Variants in FDFT1 observed in about 807,000 individuals in gnomAD.
FDFT1 encodes the protein squalene synthase.
In FDFT1, 68 loss-of-function variants were observed where a neutral mutation model predicts 46.8. The ratio of observed to expected loss-of-function variants is 1.45; its 90% CI spans 1.19 to 1.78. The LOEUF is 1.78. Ranked by LOEUF, FDFT1 falls within the 40% of genes most tolerant of loss-of-function variation. The probability of loss-of-function intolerance (pLI) is 0.00; values close to 1 mark genes in which losing one functional copy is unlikely to be tolerated. For missense variants in FDFT1, 928 were observed against 524.4 expected, an observed-to-expected ratio of 1.77 and a Z score of -7.52; for synonymous variants, 351 against 185.1, an observed-to-expected ratio of 1.90 and a Z score of -7.28.
chr8:11,815,416 C>A (rs1808312336), intron 3 of FDFT1, among the ~76,000 whole-genome samples: 1 of 152,192 alleles, frequency 6.6e-6, no homozygotes, highest in Admixed American at 6.5e-5. Flanking sequence ...AATGGTATTT[C>A]TAGTTCTAGA....
At chr8:11,834,991 G>A (rs1014458145) in intron 7 of FDFT1, among the ~76,000 whole-genome samples, 3 of 152,154 alleles carry the variant, frequency 2.0e-5, no homozygotes, top group African/African-American at 7.2e-5. Context: ...AGGTGTGGTG[G>A]TGCACACTTG....
upstream of FDFT1, among the ~76,000 whole-genome samples, chr8:11,799,953 A>AG (rs1359807384): frequency 5.9e-4 from 87 of 147,370 alleles, no homozygotes; most frequent in African/African-American, 2.1e-3. Flanking sequence ...TAAAAAAAAA[A>AG]AAAAAATGAA....
intron 3 of FDFT1, among the ~76,000 whole-genome samples, chr8:11,815,848 C>T (rs1808368704): frequency 6.6e-6 from 1 of 152,104 alleles, no homozygotes; most frequent in South Asian, 2.1e-4. Flanking sequence ...GTTTCTTTTG[C>T]TGTGCAGAAG....
rs916560947 is a variant in FDFT1, at chr8:11,817,444, C to G, written c.382-4306C>G. On this transcript the variant is annotated intron_variant, in intron 3 of 7. Transcript: ENST00000220584. ...GGAATAGTTTCAGAAGGAATGGTACCAGCTCCTCTTTGTACCTCTGGTAGA... is the reference window on the plus strand; with the variant it reads ...GGAATAGTTTCAGAAGGAATGGTACGAGCTCCTCTTTGTACCTCTGGTAGA... 9.9e-5 allele frequency among the ~76,000 whole-genome samples: 15 copies of G among 152,132 alleles called. 1 individual carries two copies. The highest frequency in any genetic ancestry group is 2.0e-4 in the Admixed American group (3 of 15,278).
chr8:11,813,152 G>A (rs1807969343), intron 3 of FDFT1, among the ~76,000 whole-genome samples: 1 of 152,116 alleles, frequency 6.6e-6, no homozygotes, highest in African/African-American at 2.4e-5. Context: ...AAAACAGGGT[G>A]TTACAGTCTT....
chr8:11,802,828 C>G lies in FDFT1; in HGVS notation c.-5C>G, dbSNP rs200934637. 3.1e-6 allele frequency: 5 copies of G among 1,606,992 alleles called. No homozygotes were observed. The African/African-American group carries it at 6.7e-5, about 22-fold the overall frequency. On this transcript the variant is annotated 5_prime_UTR_variant, in exon 1 of 8. Coordinates refer to ENST00000220584, the MANE Select transcript of FDFT1 (RefSeq NM_004462.5). Reference sequence around the variant, plus strand: ...CGCGCCCGGGAGTCCGCCGCCTGCGCCAGGATGGAGTTCGTGAAATGCCTT... The same window carrying G: ...CGCGCCCGGGAGTCCGCCGCCTGCGGCAGGATGGAGTTCGTGAAATGCCTT...
intron 4 of FDFT1, among the ~76,000 whole-genome samples, chr8:11,822,782 C>G (rs902432549): frequency 2.6e-5 from 4 of 152,168 alleles, no homozygotes; most frequent in African/African-American, 9.7e-5. Context: ...TGCCACTGCA[C>G]TCCAACGTGG....
chr8:11,808,813 T>G lies in FDFT1; in HGVS notation c.119T>G (p.Leu40Arg). 1.2e-6 allele frequency: 2 copies of G among 1,613,740 alleles called. No homozygotes were observed. ...CCGCAGGACTCGCTCAGCAGCAGCC[T>G]GAAAACTTGCTACAAGTATCTCAAT... The part of the protein sequence containing the change: ...KMDQDSLSSS[L>R]KTCYKYLNQT... Residue 40 changes from leucine (L) to arginine (R), a missense_variant, in exon 2 of 8, where the codon CTG becomes CGG. Physicochemically the swap from Leu to Arg is moderately radical, Grantham distance 102 (BLOSUM62 -2). Transcript: ENST00000220584.
chr8:11,796,654 A>G (rs1348253427), intron 1 of FDFT1, among the ~76,000 whole-genome samples: 1 of 152,166 alleles, frequency 6.6e-6, no homozygotes, highest in Non-Finnish European at 1.5e-5. Context: ...TGATAGAGGT[A>G]GGTGTCTTCA....
In FDFT1 at chr8:11,803,523, G is replaced by C; in HGVS notation, c.99+592G>C. 3 of 1,202,088 alleles carry C rather than the reference G, an allele frequency of 2.5e-6. No homozygotes were observed. The South Asian group carries it at 4.5e-5, about 18-fold the overall frequency. 74.5% of individuals were successfully genotyped at this position (1,202,088 alleles called of 1,614,324 possible). A position where few individuals can be genotyped will look rare whatever the true frequency, so the allele number is the denominator to read the frequency against. The stretch of plus-strand genomic sequence containing the variant: ...TAGCTAGGTGGTTGGTGGAAGGTCA[G>C]AACTTGGTTTTACTTAGATTTTTAT... On this transcript the variant is annotated intron_variant, in intron 1 of 7. Transcript: ENST00000220584.
intron 3 of FDFT1, among the ~76,000 whole-genome samples, chr8:11,814,767 ACT>A (rs1397550776): frequency 6.6e-6 from 1 of 152,076 alleles, no homozygotes; most frequent in African/African-American, 2.4e-5. Context: ...AGTGAGAGAA[ACT>A]CTATAGCTTC....
intron 3 of FDFT1, among the ~76,000 whole-genome samples, chr8:11,819,836 G>T (rs1349308939): frequency 6.6e-6 from 1 of 152,054 alleles, no homozygotes; most frequent in Non-Finnish European, 1.5e-5. Context: ...ACCTTCTGAA[G>T]CCTACTTCTG....
intron 7 of FDFT1, among the ~76,000 whole-genome samples, chr8:11,832,927 G>A (rs546395368): frequency 2.0e-5 from 3 of 152,282 alleles, no homozygotes; most frequent in African/African-American, 4.8e-5. Context: ...CGCGTTTACA[G>A]GAATATGGTT....
upstream of FDFT1, chr8:11,797,872 G>A (rs968854127): frequency 2.6e-5 from 4 of 152,320 alleles, no homozygotes; most frequent in Admixed American, 2.0e-4. Flanking sequence ...GACAATAAGT[G>A]CTGCTAGGAC....
At chr8:11,819,945 C>T (rs1410583884) in intron 3 of FDFT1, among the ~76,000 whole-genome samples, 1 of 152,098 alleles carries the variant, frequency 6.6e-6, no homozygotes, top group Non-Finnish European at 1.5e-5. Flanking sequence ...TTGGAATTTT[C>T]AGCCTTTCTG....
At chr8:11,822,468 T>G (rs1809395234) in intron 4 of FDFT1, among the ~76,000 whole-genome samples, 1 of 152,216 alleles carries the variant, frequency 6.6e-6, no homozygotes, top group Admixed American at 6.5e-5. Context: ...ACTGCTGATT[T>G]GTGCTTCCTA....
upstream of FDFT1, chr8:11,802,736 C>G (rs942215417): frequency 4.3e-6 from 4 of 927,690 alleles, no homozygotes; most frequent in Admixed American, 2.1e-5. Context: ...TCCGGCCAGC[C>G]CCTCGAAGCA....
intron 1 of FDFT1, 116 bp from the exon 2 acceptor site, chr8:11,808,678 A>G (rs1807240360): frequency 1.1e-5 from 17 of 1,482,280 alleles, no homozygotes; most frequent in Non-Finnish European, 1.5e-5. Context: ...CCTCGGGGAG[A>G]GGGCGGCAGG....
At chr8:11,830,961 C>G (rs1421139796) in intron 6 of FDFT1, among the ~76,000 whole-genome samples, 1 of 152,182 alleles carries the variant, frequency 6.6e-6, no homozygotes, top group Non-Finnish European at 1.5e-5. Flanking sequence ...TTGGTTTGAT[C>G]TTGTTCTAAT....
Sources: gnomAD v4.1 joint callset for allele counts (sites outside exome capture counted in the v4.1 genomes callset) on GRCh38, gnomAD v4.1.1 for gene constraint, MANE v1.5 for transcripts, NCBI Gene and HGNC (gene_info 2026-07-23, HGNC 2026-07-21) for gene names.